The following CSMD1 variants were observed in gnomAD, a reference collection of about 807,000 sequenced individuals.
CSMD1 encodes CUB and Sushi multiple domains 1.
Under a neutral mutation model 417.5 loss-of-function variants are expected in CSMD1, and 213 were observed. The ratio of observed to expected loss-of-function variants is 0.51; its 90% CI spans 0.46 to 0.57. CSMD1 has a LOEUF of 0.57. Among genes scored for constraint, CSMD1 ranks in the 20% least tolerant of loss-of-function variants. The pLI, the probability that CSMD1 is intolerant of heterozygous loss-of-function variation, is 0.00. For synonymous variants in CSMD1, 2,862 were observed against 1,736.8 expected, an observed-to-expected ratio of 1.65 and a Z score of -16.11; for missense variants, 6,923 against 4,529.7, an observed-to-expected ratio of 1.53 and a Z score of -15.17.
At chr8:4,577,204 T>A (rs546999031) in intron 2 of CSMD1, among the ~76,000 whole-genome samples, 25 of 152,294 alleles carry the variant, frequency 1.6e-4, no homozygotes, top group African/African-American at 5.8e-4. Context: ...CTTTTGAATG[T>A]ATCAAAATCA....
At chr8:4,111,496 A>G (rs980349863) in intron 3 of CSMD1, among the ~76,000 whole-genome samples, 1 of 152,358 alleles carries the variant, frequency 6.6e-6, no homozygotes, top group African/African-American at 2.4e-5. Flanking sequence ...ACTATCCACA[A>G]TAGCAAAGAC....
intron 2 of CSMD1, among the ~76,000 whole-genome samples, chr8:4,605,188 T>C (rs1408654870): frequency 6.6e-6 from 1 of 152,076 alleles, no homozygotes; most frequent in Non-Finnish European, 1.5e-5. Flanking sequence ...AAATATAACT[T>C]GAAATTAAGA....
rs1050409580 is a variant in CSMD1, at chr8:3,308,908, A to G, written c.3632-405T>C. 9.2e-5 allele frequency among the ~76,000 whole-genome samples: 14 copies of G among 151,920 alleles called. 1 individual carries two copies. Among genetic ancestry groups the G allele is most frequent in the African/African-American group, 3.4e-4 (14 of 41,350 alleles). On this transcript the variant is annotated intron_variant, in intron 23 of 69. Transcript: ENST00000635120. ...CCAGCTAATTTTTTGTATTTTTAGT[A>G]GAGACGGGGTTTCACTATGTTGGCC...
At chr8:4,258,270 T>C (rs1038708279) in intron 3 of CSMD1, among the ~76,000 whole-genome samples, 16 of 131,298 alleles carry the variant, frequency 1.2e-4, no homozygotes, top group African/African-American at 4.8e-4. Flanking sequence ...GGCCTGTCGC[T>C]GTGAGCTATT....
chr8:3,684,489 G>C (rs991966464), intron 7 of CSMD1, among the ~76,000 whole-genome samples: 22 of 150,180 alleles, frequency 1.5e-4, no homozygotes, highest in Non-Finnish European at 2.8e-4. Context: ...TTCTTTGCTT[G>C]CTAATTATGA....
At chr8:3,528,136 G>C (rs753338576) in intron 10 of CSMD1, among the ~76,000 whole-genome samples, 1 of 152,312 alleles carries the variant, frequency 6.6e-6, no homozygotes, top group Non-Finnish European at 1.5e-5. Flanking sequence ...ATTTTACAAA[G>C]GGAGCTGACA....
intron 3 of CSMD1, among the ~76,000 whole-genome samples, chr8:4,089,787 C>A (rs1398036663): frequency 6.6e-6 from 1 of 152,084 alleles, no homozygotes; most frequent in East Asian, 1.9e-4. Flanking sequence ...GCAATAATGC[C>A]ACTCAGTCTA....
At chr8:4,823,295 A>AT (rs1354458288) in intron 1 of CSMD1, among the ~76,000 whole-genome samples, 1 of 151,776 alleles carries the variant, frequency 6.6e-6, no homozygotes, top group Admixed American at 6.6e-5. Flanking sequence ...ACAATTAATT[A>AT]TTTTTTCCAG....
intron 4 of CSMD1, among the ~76,000 whole-genome samples, chr8:4,020,355 C>G (rs1349046442): frequency 1.1e-4 from 16 of 152,224 alleles, no homozygotes; most frequent in Non-Finnish European, 1.5e-5. Context: ...GTGCTCAAGA[C>G]TGCAAGATGT....
rs571862966 is a variant in CSMD1, at chr8:3,367,263, G to A, written c.2900-16C>T. 1.6e-5 allele frequency: 25 copies of A among 1,571,602 alleles called. No individual in the cohort carries two copies. Among genetic ancestry groups the A allele is most frequent in the South Asian group, 5.7e-5 (5 of 88,196 alleles). On this transcript the variant is annotated splice_polypyrimidine_tract_variant and intron_variant, in intron 19 of 69. Coordinates refer to ENST00000635120, the MANE Select transcript of CSMD1 (RefSeq NM_033225.6). ...ATTTGAACTCCTGAGAAATGAAGCC[G>A]GGGGAGAGAGAGAGAGACAGAGAGA...
At chr8:4,491,383 C>G (rs1408723992) in intron 2 of CSMD1, among the ~76,000 whole-genome samples, 1 of 152,096 alleles carries the variant, frequency 6.6e-6, no homozygotes, top group African/African-American at 2.4e-5. Flanking sequence ...TTATAGCGAT[C>G]AGCCCTGGGT....
At chr8:3,567,316 G>C (rs1480874411) in intron 10 of CSMD1, among the ~76,000 whole-genome samples, 4 of 151,592 alleles carry the variant, frequency 2.6e-5, no homozygotes, top group South Asian at 2.1e-4. Context: ...ACAACTGTTG[G>C]GTACTGGGCT....
chr8:4,467,444 T>TA (rs35018916), intron 2 of CSMD1, among the ~76,000 whole-genome samples: 5,888 of 152,304 alleles, frequency 0.039, 381 homozygotes, highest in African/African-American at 0.13. Context: ...GACATCCTTC[T>TA]AAACCGTTAA....
At chr8:4,187,433 G>A (rs1033886813) in intron 3 of CSMD1, among the ~76,000 whole-genome samples, 2 of 152,022 alleles carry the variant, frequency 1.3e-5, no homozygotes, top group South Asian at 4.2e-4. Context: ...GATCACCTGA[G>A]GTCAGGAAGA....
At chr8:4,584,409 C>T (rs746319218) in intron 2 of CSMD1, among the ~76,000 whole-genome samples, 63 of 152,016 alleles carry the variant, frequency 4.1e-4, no homozygotes, top group Non-Finnish European at 7.2e-4. Flanking sequence ...CATTAGAATT[C>T]GGGGGCTAAA....
At chr8:3,648,992 G>C (rs1797715128) in intron 7 of CSMD1, among the ~76,000 whole-genome samples, 1 of 151,900 alleles carries the variant, frequency 6.6e-6, no homozygotes, top group Non-Finnish European at 1.5e-5. Flanking sequence ...GATTCTCTTT[G>C]CGTCCAGCTT....
chr8:4,173,772 C>G (rs184283649), intron 3 of CSMD1, among the ~76,000 whole-genome samples: 7 of 152,148 alleles, frequency 4.6e-5, no homozygotes, highest in African/African-American at 1.7e-4. Context: ...AAAAGTAACT[C>G]ATTCTATGAC....
At chr8:3,235,194 T>C (rs1799079425) in intron 26 of CSMD1, among the ~76,000 whole-genome samples, 1 of 152,194 alleles carries the variant, frequency 6.6e-6, no homozygotes, top group African/African-American at 2.4e-5. Context: ...TGTTATATAA[T>C]AGTACAAGAA....
chr8:3,733,034 G>C (rs1391222206), intron 6 of CSMD1, among the ~76,000 whole-genome samples: 1 of 151,880 alleles, frequency 6.6e-6, no homozygotes, highest in Non-Finnish European at 1.5e-5. Flanking sequence ...AATCTGACTT[G>C]GGAATATGTC....
Sources: gnomAD v4.1 joint callset for allele counts (sites outside exome capture counted in the v4.1 genomes callset) on GRCh38, gnomAD v4.1.1 for gene constraint, MANE v1.5 for transcripts, NCBI Gene and HGNC (gene_info 2026-07-23, HGNC 2026-07-21) for gene names.